Variants in CNTNAP2 observed in about 807,000 individuals in gnomAD.
The protein encoded by CNTNAP2 is contactin associated protein 2.
In CNTNAP2, 98 loss-of-function variants were observed where a neutral mutation model predicts 155.2. That is an observed-to-expected ratio of 0.63 (90% CI 0.54 to 0.75). The LOEUF (loss-of-function observed/expected upper bound fraction) is 0.75. Ranked by LOEUF, CNTNAP2 falls within the 30% of genes least tolerant of loss-of-function variation. The pLI, the probability that CNTNAP2 is intolerant of heterozygous loss-of-function variation, is 0.00. For missense variants in CNTNAP2, 1,727 were observed against 1,688.1 expected (o/e 1.02, Z -0.40); for synonymous variants, 651 against 631.2 (o/e 1.03, Z -0.47).
chr7:148,161,953 T>A (rs961909651), intron 17 of CNTNAP2, among the ~76,000 whole-genome samples: 3 of 152,154 alleles, frequency 2.0e-5, no homozygotes, highest in Admixed American at 2.0e-4. Flanking sequence ...CCATGAGGCT[T>A]GGTCATCAGA....
intron 1 of CNTNAP2, among the ~76,000 whole-genome samples, chr7:146,193,218 T>C (rs558339986): frequency 8.5e-5 from 13 of 152,320 alleles, no homozygotes; most frequent in African/African-American, 2.9e-4. Flanking sequence ...TCTAACATTC[T>C]GGGGTCTGGA....
intron 10 of CNTNAP2, among the ~76,000 whole-genome samples, chr7:147,451,542 A>G (rs1797833919): frequency 6.6e-6 from 1 of 152,096 alleles, no homozygotes; most frequent in African/African-American, 2.4e-5. Context: ...AGTGGGAGTA[A>G]TAATACAACT....
At chr7:147,525,896 T>C (rs1799309699) in intron 11 of CNTNAP2, among the ~76,000 whole-genome samples, 2 of 152,002 alleles carry the variant, frequency 1.3e-5, no homozygotes, top group South Asian at 4.1e-4. Flanking sequence ...CCAATTGTTT[T>C]AGAAAATATT....
At chr7:146,892,685 A>G (rs1795804964) in intron 3 of CNTNAP2, among the ~76,000 whole-genome samples, 1 of 152,180 alleles carries the variant, frequency 6.6e-6, no homozygotes, top group African/African-American at 2.4e-5. Flanking sequence ...CTGATGCATG[A>G]GAATCACTTG....
intron 15 of CNTNAP2, among the ~76,000 whole-genome samples, chr7:148,058,805 T>C (rs988370629): frequency 4.6e-5 from 7 of 152,208 alleles, no homozygotes; most frequent in African/African-American, 1.7e-4. Flanking sequence ...TTTAGCGTTG[T>C]ATGCCTAATA....
chr7:146,342,097 G>T (rs1241058924), intron 1 of CNTNAP2, among the ~76,000 whole-genome samples: 1 of 152,066 alleles, frequency 6.6e-6, no homozygotes, highest in Non-Finnish European at 1.5e-5. Context: ...CGGAGGTTGA[G>T]TCAGATTATG....
At chr7:148,134,015 G>A (rs977701103) in intron 16 of CNTNAP2, among the ~76,000 whole-genome samples, 4 of 152,132 alleles carry the variant, frequency 2.6e-5, no homozygotes, top group Admixed American at 6.5e-5. Context: ...GAATAAAGCC[G>A]AAGCCCAAGG....
chr7:147,291,594 T>C (rs1336251278), intron 8 of CNTNAP2, among the ~76,000 whole-genome samples: 1 of 152,214 alleles, frequency 6.6e-6, no homozygotes, highest in Non-Finnish European at 1.5e-5. Context: ...AATAAGGCTG[T>C]CAAGCATTCC....
At chr7:147,662,869 A>ATAAC (rs939640380) in intron 13 of CNTNAP2, among the ~76,000 whole-genome samples, 5 of 152,162 alleles carry the variant, frequency 3.3e-5, no homozygotes, top group Admixed American at 3.3e-4. Flanking sequence ...TGATTTGAAT[A>ATAAC]TAACTCCAAT....
chr7:147,396,058 A>G (rs1252076705), intron 10 of CNTNAP2, among the ~76,000 whole-genome samples: 1 of 148,044 alleles, frequency 6.8e-6, no homozygotes, highest in Non-Finnish European at 1.5e-5. Context: ...TATGAGATAT[A>G]TCATATATAA....
intron 13 of CNTNAP2, among the ~76,000 whole-genome samples, chr7:147,854,562 C>T (rs1799004523): frequency 6.6e-6 from 1 of 152,116 alleles, no homozygotes; most frequent in African/African-American, 2.4e-5. Flanking sequence ...AACTCCCCAG[C>T]CCCTACTTCA....
chr7:147,848,902 T>C (rs1019857954), intron 13 of CNTNAP2, among the ~76,000 whole-genome samples: 1 of 152,038 alleles, frequency 6.6e-6, no homozygotes, highest in Admixed American at 6.6e-5. Flanking sequence ...ATTTTAATTT[T>C]GTTTTTTTTT....
chr7:147,053,966 C>T (rs1266646098), intron 4 of CNTNAP2, among the ~76,000 whole-genome samples: 4 of 152,068 alleles, frequency 2.6e-5, no homozygotes, highest in South Asian at 2.1e-4. Flanking sequence ...ATTTTACTAA[C>T]GAGGAAACCA....
chr7:148,234,770 A>C (rs2116787835), intron 20 of CNTNAP2, among the ~76,000 whole-genome samples: 1 of 152,332 alleles, frequency 6.6e-6, no homozygotes, highest in African/African-American at 2.4e-5. Flanking sequence ...GGAAAATGAT[A>C]ATGAATAAAC....
At chr7:146,503,340 G>A (rs1223387048) in intron 1 of CNTNAP2, among the ~76,000 whole-genome samples, 1 of 152,128 alleles carries the variant, frequency 6.6e-6, no homozygotes, top group Non-Finnish European at 1.5e-5. Context: ...CTTTGAATAT[G>A]GCCCAGTACA....
chr7:146,862,859 T>C (rs1795131648), intron 3 of CNTNAP2, among the ~76,000 whole-genome samples: 1 of 152,216 alleles, frequency 6.6e-6, no homozygotes, highest in African/African-American at 2.4e-5. Flanking sequence ...CAGGGTGTAA[T>C]GTGGTCATTC....
At chr7:146,850,201 A>G (rs1794847835) in intron 3 of CNTNAP2, among the ~76,000 whole-genome samples, 1 of 152,194 alleles carries the variant, frequency 6.6e-6, no homozygotes, top group African/African-American at 2.4e-5. Flanking sequence ...AGAAGTCTAG[A>G]GCAAGAGTAG....
At chr7:146,693,758 G>T (rs1800736194) in intron 1 of CNTNAP2, among the ~76,000 whole-genome samples, 1 of 152,112 alleles carries the variant, frequency 6.6e-6, no homozygotes, top group Non-Finnish European at 1.5e-5. Flanking sequence ...TGGGGTACAT[G>T]TACAGGATGT....
intron 1 of CNTNAP2, among the ~76,000 whole-genome samples, chr7:146,139,314 G>T (rs1340404154): frequency 6.6e-6 from 1 of 152,078 alleles, no homozygotes; most frequent in East Asian, 1.9e-4. Flanking sequence ...TAAGTTAGGG[G>T]TCATTTTTAT....
Sources: gnomAD v4.1 joint callset for allele counts (sites outside exome capture counted in the v4.1 genomes callset) on GRCh38, gnomAD v4.1.1 for gene constraint, MANE v1.5 for transcripts, NCBI Gene and HGNC (gene_info 2026-07-23, HGNC 2026-07-21) for gene names.